Variants in RBM7 observed in about 807,000 individuals in gnomAD.
The protein encoded by RBM7 is RNA binding motif protein 7, also known as RNA-binding protein 7.
RBM7 carries 13 observed loss-of-function variants against 31.0 expected under a neutral mutation model. The ratio of observed to expected loss-of-function variants is 0.42; its 90% CI spans 0.27 to 0.67. RBM7 has a LOEUF of 0.67. Among genes scored for constraint, RBM7 ranks in the 30% least tolerant of loss-of-function variants. RBM7 has a pLI of 0.24. For synonymous variants in RBM7, 106 were observed against 111.2 expected (o/e 0.95, Z 0.30); for missense variants, 245 against 326.2 (o/e 0.75, Z 1.92).
intron 3 of RBM7, among the ~76,000 whole-genome samples, chr11:114,403,430 T>TTC (rs1487408541): frequency 9.2e-5 from 14 of 152,208 alleles, no homozygotes; most frequent in African/African-American, 3.4e-4. Context: ...TTTAGTCCCG[T>TTC]CTTCCCATGT....
rs1164466932 is a variant in RBM7 at position 114,408,503 on chromosome 11, C to T, written c.*696C>T. 1 of 152,596 alleles carries T rather than the reference C, an allele frequency of 6.6e-6. No individual in the cohort carries two copies. Among genetic ancestry groups the T allele is most frequent in the African/African-American group, 2.4e-5 (1 of 41,398 alleles). 9.5% of individuals were successfully genotyped at this position (152,596 alleles called of 1,614,324 possible). On this transcript the variant is annotated 3_prime_UTR_variant, in exon 5 of 5. Transcript: ENST00000375490. ...TAAAAATACAGTGTTAGCATAAATC[C>T]CCTTTTCAGGAAGAACAAAAATGTC...
chr11:114,402,382 C>CTTT (rs71063570), intron 2 of RBM7, among the ~76,000 whole-genome samples: 2 of 50,162 alleles, frequency 4.0e-5, no homozygotes, highest in Admixed American at 3.0e-4. Flanking sequence ...GCTTGAGATT[C>CTTT]TTTTTTTTTT....
At chr11:114,400,830 G>A in intron 1 of RBM7, 63 bp downstream of exon 1, 1 of 1,583,682 alleles carries the variant, frequency 6.3e-7, no homozygotes. Context: ...CTGGCCAGCG[G>A]CCACCCCGTT....
rs1159796541 is a variant in RBM7 at position 114,402,906 on chromosome 11, C to T, written c.338C>T (p.Ser113Phe). ...GGAAATTCAAGCCCTACCTCCACAT[C>T]TCCTAGCAGGTAATATTTCTCACTT... ...HVGNSSPTST[S>F]PSSRYERTMD... is the part of the protein sequence containing the mutation. Residue 113 changes from serine to phenylalanine, a missense_variant, in exon 3 of 5, where the codon TCT (serine) becomes TTT (phenylalanine). Coordinates refer to ENST00000375490, the MANE Select transcript of RBM7 (RefSeq NM_001286045.2). The T allele has an allele frequency of 1.9e-6, 3 of 1,605,412 alleles. No individual in the cohort carries two copies. The highest frequency in any genetic ancestry group is 2.6e-6 in the Non-Finnish European group (3 of 1,172,236).
At chr11:114,406,589 A>G (rs1416121136) in intron 4 of RBM7, 2 of 152,298 alleles carry the variant, frequency 1.3e-5, no homozygotes, top group Admixed American at 6.5e-5. Context: ...CAGAATTAAT[A>G]TTACAATTCT....
In RBM7 at chr11:114,410,076, T is replaced by A. The variant is rs1430273872; in HGVS notation, c.*2269T>A. ...ACATCTGTATTGGCACTCAAAAAGT[T>A]TCATATTTTGGAGCATTTCAGATTT... On this transcript the variant is annotated 3_prime_UTR_variant, in exon 5 of 5. Transcript: ENST00000375490. 1 of 152,134 alleles carries A rather than the reference T, an allele frequency of 6.6e-6. No homozygotes were observed. Among genetic ancestry groups the A allele is most frequent in the Non-Finnish European group, 1.5e-5 (1 of 68,022 alleles). The allele number at this position is 152,134 out of a possible 1,614,324, so 9.4% of individuals were successfully genotyped here.
chr11:114,405,861 G>T (rs995770762), intron 4 of RBM7, 62 bp downstream of exon 4: 11 of 1,186,144 alleles, frequency 9.3e-6, no homozygotes, highest in Admixed American at 2.3e-5. Context: ...TAAAATGTTC[G>T]CATTGTATCA....
chr11:114,405,292 G>A (rs1946252746), intron 3 of RBM7, among the ~76,000 whole-genome samples: 1 of 152,160 alleles, frequency 6.6e-6, no homozygotes, highest in Non-Finnish European at 1.5e-5. Flanking sequence ...AAACAATGGT[G>A]TGGCTATGTT....
Position 114,401,818 on chromosome 11 carries a change from A to C in RBM7, c.217A>C (p.Ile73Leu), listed in dbSNP as rs1946205950. The C allele has an allele frequency of 6.3e-7, 1 of 1,590,840 alleles. No homozygotes were observed. The highest frequency in any genetic ancestry group is 2.3e-5 in the East Asian group (1 of 43,336). ...TTATGCAATGAATCTACTTAATGGAATCAAACTTTATGGAAGGCCTATCAA... is the reference window on the plus strand; with the variant it reads ...TTATGCAATGAATCTACTTAATGGACTCAAACTTTATGGAAGGCCTATCAA... ...VPYAMNLLNGIKLYGRPIKIQ... is the reference protein window; with the variant it reads ...VPYAMNLLNGLKLYGRPIKIQ... Residue 73 changes from isoleucine (I) to leucine (L), a missense_variant, in exon 2 of 5, where the codon ATC becomes CTC. By Grantham distance (5) the Ile-to-Leu change is conservative. Coordinates refer to ENST00000375490, the MANE Select transcript of RBM7 (RefSeq NM_001286045.2).
At chr11:114,400,862 GAC>G (rs1946189722) in intron 1 of RBM7, 95 bp downstream of exon 1, 4 of 1,408,082 alleles carry the variant, frequency 2.8e-6, no homozygotes. Flanking sequence ...GCCGTCAGGG[GAC>G]CCGACGGGTG....
intron 4 of RBM7, chr11:114,407,052 T>A (rs1946274842): frequency 6.2e-6 from 1 of 160,764 alleles, no homozygotes; most frequent in Non-Finnish European, 1.4e-5. Flanking sequence ...TTATTTTTGT[T>A]TGTGCAATTT....
chr11:114,404,680 G>T (rs1412828802), intron 3 of RBM7, among the ~76,000 whole-genome samples: 3 of 109,636 alleles, frequency 2.7e-5, no homozygotes, highest in South Asian at 2.4e-4. Context: ...TCTATTTAAA[G>T]AATTTCTTTG....
chr11:114,404,764 C>A (rs1946244202), intron 3 of RBM7, among the ~76,000 whole-genome samples: 1 of 151,428 alleles, frequency 6.6e-6, no homozygotes, highest in South Asian at 2.1e-4. Flanking sequence ...ATACTATAAA[C>A]TAAATTGTAC....
At chr11:114,403,046 TG>T in intron 3 of RBM7, 131 bp downstream of exon 3, 1 of 808,906 alleles carries the variant, frequency 1.2e-6, no homozygotes, top group Non-Finnish European at 2.0e-6. Flanking sequence ...ACTTGCCTTT[TG>T]GGGTTGTTGT....
intron 2 of RBM7, chr11:114,402,275 G>A (rs1946212461): frequency 6.0e-6 from 1 of 166,114 alleles, no homozygotes; most frequent in Non-Finnish European, 1.3e-5. Context: ...AGAAAATTAT[G>A]GTCAGATTGG....
rs71063570 is a variant in RBM7, at chr11:114,402,382, C to CTTTTTTTT, written c.260-414_260-407dup. Among the ~76,000 whole-genome samples, 33 of 50,162 alleles carry CTTTTTTTT rather than the reference C, an allele frequency of 6.6e-4. 10 individuals carry two copies. The highest frequency in any genetic ancestry group is 1.0e-3 in the Non-Finnish European group (27 of 25,788). 32.9% of individuals were successfully genotyped at this position (50,162 alleles called of 152,430 possible). A position where few individuals can be genotyped will look rare whatever the true frequency, so the allele number is the denominator to read the frequency against. On this transcript the variant is annotated intron_variant, in intron 2 of 4. Coordinates refer to ENST00000375490, the MANE Select transcript of RBM7 (RefSeq NM_001286045.2). The stretch of plus-strand genomic sequence containing the variant: ...AAGCGGTCTACAGCAGCTTGAGATT[C>CTTTTTTTT]TTTTTTTTTTTTTTTTTTTTTTTTT...
At chr11:114,400,836 C>T in intron 1 of RBM7, 69 bp downstream of exon 1, 1 of 1,573,982 alleles carries the variant, frequency 6.4e-7, no homozygotes, top group Non-Finnish European at 8.7e-7. Context: ...AGCGGCCACC[C>T]CGTTTTCTTT....
chr11:114,402,185 T>G (rs1002289919), intron 2 of RBM7: 13 of 217,686 alleles, frequency 6.0e-5, no homozygotes, highest in Non-Finnish European at 1.2e-4. Context: ...GCTTTGTAAT[T>G]ACTTTTATAT....
Position 114,401,685 on chromosome 11 carries a change from T to G in RBM7, c.97-13T>G. ...TTGCTTTATTTAAATTCTAAACACCTTTTTGTTTGTAGGCTGGGCCAGTAA... is the reference window on the plus strand; with the variant it reads ...TTGCTTTATTTAAATTCTAAACACCGTTTTGTTTGTAGGCTGGGCCAGTAA... On this transcript the variant is annotated splice_polypyrimidine_tract_variant and intron_variant, in intron 1 of 4. Transcript: ENST00000375490. The G allele has an allele frequency of 6.7e-7, 1 of 1,487,430 alleles. No homozygotes were observed. Among genetic ancestry groups the G allele is most frequent in the Non-Finnish European group, 8.9e-7 (1 of 1,122,120 alleles). 92.1% of individuals were successfully genotyped at this position (1,487,430 alleles called of 1,614,324 possible).
Sources: gnomAD v4.1 joint callset for allele counts (sites outside exome capture counted in the v4.1 genomes callset) on GRCh38, gnomAD v4.1.1 for gene constraint, MANE v1.5 for transcripts, NCBI Gene and HGNC (gene_info 2026-07-23, HGNC 2026-07-21) for gene names.